The following HAPLN3 variants were observed in gnomAD, a reference collection of about 807,000 sequenced individuals.
HAPLN3 encodes the protein extracellular link domain containing, 1.
HAPLN3 carries 28 observed loss-of-function variants against 28.1 expected under a neutral mutation model. The ratio of observed to expected loss-of-function variants is 1.00; its 90% confidence interval spans 0.74 to 1.37. The LOEUF is 1.37. HAPLN3 is among the 40% of genes most tolerant of loss of function. The pLI is 0.00. For synonymous variants in HAPLN3, 211 were observed against 213.1 expected (o/e 0.99, Z 0.09); for missense variants, 513 against 504.6 (o/e 1.02, Z -0.16).
chr15:88,878,837 G>C lies in HAPLN3; in HGVS notation c.796+130C>G, dbSNP rs192317736. 343 of 937,964 alleles carry C rather than the reference G, an allele frequency of 3.7e-4. 1 individual carries two copies. In the East Asian group the frequency reaches 4.4e-3, roughly 12 times the overall value. 58.1% of individuals were successfully genotyped at this position (937,964 alleles called of 1,614,324 possible). On this transcript the variant is annotated intron_variant, in intron 4 of 4. Coordinates refer to ENST00000359595, the MANE Select transcript of HAPLN3 (RefSeq NM_178232.4). ...CCAGATGCTGCTTCTAGGGTGGCTG[G>C]TGCTCTTGGCCTCCAGGTGGCAGTA...
intron 1 of HAPLN3, among the ~76,000 whole-genome samples, chr15:88,894,925 A>G (rs1418364356): frequency 6.6e-6 from 1 of 152,068 alleles, no homozygotes; most frequent in Non-Finnish European, 1.5e-5. Context: ...ACCCATAGGC[A>G]TCAGTTGCCT....
At chr15:88,882,768 C>G (rs913416621) in intron 2 of HAPLN3, among the ~76,000 whole-genome samples, 2 of 152,122 alleles carry the variant, frequency 1.3e-5, no homozygotes, top group African/African-American at 4.8e-5. Flanking sequence ...CTTTGAGAGG[C>G]CAGGACAGGA....
chr15:88,893,647 G>A (rs1459921312), intron 1 of HAPLN3, among the ~76,000 whole-genome samples: 1 of 152,014 alleles, frequency 6.6e-6, no homozygotes, highest in Non-Finnish European at 1.5e-5. Flanking sequence ...GGGGTCACAA[G>A]CCAGGCACAG....
chr15:88,891,604 A>G (rs1898015115), intron 1 of HAPLN3, among the ~76,000 whole-genome samples: 3 of 152,130 alleles, frequency 2.0e-5, no homozygotes, highest in Admixed American at 2.0e-4. Context: ...GGTATCTCTC[A>G]TGTAATCCTT....
At chr15:88,891,201 C>T (rs1262127670) in intron 1 of HAPLN3, among the ~76,000 whole-genome samples, 1 of 152,038 alleles carries the variant, frequency 6.6e-6, no homozygotes, top group Non-Finnish European at 1.5e-5. Context: ...GTCAACACAG[C>T]TTAGCCTCAC....
intron 1 of HAPLN3, among the ~76,000 whole-genome samples, chr15:88,894,350 A>G (rs939081760): frequency 3.9e-5 from 6 of 152,018 alleles, no homozygotes; most frequent in African/African-American, 1.4e-4. Flanking sequence ...CCCAAGAACA[A>G]TAAGCCTGGG....
chr15:88,892,915 A>G, intron 1 of HAPLN3: 1 of 1,521,306 alleles, frequency 6.6e-7, no homozygotes, highest in Middle Eastern at 1.7e-4. Flanking sequence ...CCAACTCCTC[A>G]GGACCACCAC....
Position 88,880,350 on chromosome 15 carries a change from AGCCATGTG to A in HAPLN3, c.493+999_493+1006del. 4.5e-6 allele frequency: 5 copies of A among 1,103,710 alleles called. No homozygotes were observed. The South Asian group carries it at 8.6e-5, about 19-fold the overall frequency. The allele number at this position is 1,103,710 out of a possible 1,614,324, so 68.4% of individuals were successfully genotyped here. On this transcript the variant is annotated intron_variant, in intron 3 of 4. Coordinates refer to ENST00000359595, the MANE Select transcript of HAPLN3 (RefSeq NM_178232.4). The surrounding 1 kb of genome is among the most constrained non-coding windows in gnomAD (Gnocchi z 6.0). Reference sequence around the variant, plus strand: ...TGCGGCCCCTCTGAGCCACCATGTAAGCCATGTGGACACTGGTGGCAAAGACAGAGAAC... The same window carrying A: ...TGCGGCCCCTCTGAGCCACCATGTAAGACACTGGTGGCAAAGACAGAGAAC...
chr15:88,890,149 G>T (rs1268424580), intron 1 of HAPLN3, among the ~76,000 whole-genome samples: 1 of 152,204 alleles, frequency 6.6e-6, no homozygotes, highest in Non-Finnish European at 1.5e-5. Context: ...TTCCAGAACA[G>T]TTAGGAGCTC....
chr15:88,883,876 G>A (rs1054368308), intron 2 of HAPLN3, among the ~76,000 whole-genome samples: 5 of 152,134 alleles, frequency 3.3e-5, no homozygotes, highest in South Asian at 2.1e-4. Flanking sequence ...CCACGAGTTC[G>A]AGACTAGCGT....
rs1567209461 is a variant in HAPLN3, at chr15:88,895,192, C to T, written c.-48+267G>A. ...CGGTGGTCTCGGAGGCCACGGGGTC[C>T]GCTCGGGCTCTGCTCCCTCACGGTG... On this transcript the variant is annotated intron_variant, in intron 1 of 4. Transcript: ENST00000359595. This position sits in a 1 kb window ranked among gnomAD's most constrained non-coding sequence, Gnocchi z 5.5. Among the ~76,000 whole-genome samples, 1 of 152,182 alleles carries T rather than the reference C, an allele frequency of 6.6e-6. No homozygotes were observed. Among genetic ancestry groups the T allele is most frequent in the Admixed American group, 6.5e-5 (1 of 15,282 alleles).
At chr15:88,878,720 T>A (rs557681826) in intron 4 of HAPLN3, among the ~76,000 whole-genome samples, 1 of 152,372 alleles carries the variant, frequency 6.6e-6, no homozygotes, top group East Asian at 1.9e-4. Context: ...GGCCCCAGCA[T>A]ATGGTAGGCA....
chr15:88,884,072 CAA>C (rs529486163), intron 2 of HAPLN3, among the ~76,000 whole-genome samples: 22 of 100,372 alleles, frequency 2.2e-4, no homozygotes, highest in Admixed American at 3.2e-4. Flanking sequence ...GACCCTGTCT[CAA>C]AAAAAAAAAA....
Position 88,887,231 on chromosome 15 carries a change from C to T in HAPLN3, c.68G>A (p.Gly23Asp), listed in dbSNP as rs1897884569. Residue 23 changes from glycine to aspartate, a missense_variant, in exon 2 of 5, where the codon GGC becomes GAC. Coordinates refer to ENST00000359595, the MANE Select transcript of HAPLN3 (RefSeq NM_178232.4). ...GTTGGCGCTGTTGGAGTAGTAGAAG[C>T]CGTTGTAGAAGGGCAGTCCGTAGGA... ...PGSYGLPFYNGFYYSNSANDQ... is the reference protein window; with the variant it reads ...PGSYGLPFYNDFYYSNSANDQ... The T allele has an allele frequency of 6.2e-7, 1 of 1,614,146 alleles. No individual in the cohort carries two copies.
chr15:88,884,072 C>CA (rs529486163), intron 2 of HAPLN3, among the ~76,000 whole-genome samples: 2,809 of 100,370 alleles, frequency 0.028, 94 homozygotes, highest in African/African-American at 0.085. Flanking sequence ...GACCCTGTCT[C>CA]AAAAAAAAAA....
chr15:88,885,229 T>G (rs568848737), intron 2 of HAPLN3, among the ~76,000 whole-genome samples: 8 of 152,218 alleles, frequency 5.3e-5, no homozygotes, highest in Non-Finnish European at 8.8e-5. Context: ...TGGCTATTAC[T>G]GAGACCAGCC....
chr15:88,884,623 G>T (rs1377742186), intron 2 of HAPLN3, among the ~76,000 whole-genome samples: 1 of 152,174 alleles, frequency 6.6e-6, no homozygotes, highest in African/African-American at 2.4e-5. Context: ...TGAAGGAAAA[G>T]GGTGTGGTGG....
Position 88,881,646 on chromosome 15 carries a change from C to T in HAPLN3, c.204G>A (p.Leu68=), listed in dbSNP as rs11551161. 1 of 1,610,594 alleles carries T rather than the reference C, an allele frequency of 6.2e-7. No individual in the cohort carries two copies. Among genetic ancestry groups the T allele is most frequent in the Non-Finnish European group, 8.5e-7 (1 of 1,179,446 alleles). Residue 68 remains leucine, a synonymous_variant, in exon 3 of 5, where the codon CTG becomes CTA. Transcript: ENST00000359595. This position sits in a 1 kb window ranked among gnomAD's most constrained non-coding sequence, Gnocchi z 6.0. The part of the protein sequence containing the change: ...LFTYQGASVI[L]PCRYRYEPAL... ...CCGGCTCGTAGCGGTAGCGGCAGGG[C>T]AGGATCACACTGGCCCCTTGGTAGG...
rs768513896 is a variant in HAPLN3, at chr15:88,881,359, C to T, written c.491G>A (p.Arg164Gln). 3.9e-5 allele frequency: 63 copies of T among 1,609,054 alleles called. No homozygotes were observed. Among genetic ancestry groups the T allele is most frequent in the Admixed American group, 3.3e-4 (20 of 59,766 alleles). ...CCCAGTCCCCGTTAGCATCTCACCC[C>T]GCAGCTCCAGCTCCACCAGACCGCT... The part of the protein sequence containing the change: ...DESGLVELEL[R>Q]GVVFPYQSPN... The change falls in exon 3 of 5, where the codon CGG becomes CAG. Residue 164 changes from arginine to glutamine, a missense_variant and splice_region_variant. By Grantham distance (43) the Arg-to-Gln change is conservative. Transcript: ENST00000359595. This position sits in a 1 kb window ranked among gnomAD's most constrained non-coding sequence, Gnocchi z 6.0.
Sources: gnomAD v4.1 joint callset for allele counts (sites outside exome capture counted in the v4.1 genomes callset) on GRCh38, gnomAD v4.1.1 for gene constraint, Gnocchi (gnomAD v3.1) non-coding constraint, MANE v1.5 for transcripts, NCBI Gene and HGNC (gene_info 2026-07-23, HGNC 2026-07-21) for gene names.